The following CSMD1 variants were observed in gnomAD, a reference collection of about 807,000 sequenced individuals.
The protein encoded by CSMD1 is CUB and Sushi multiple domains 1.
CSMD1 carries 213 observed loss-of-function variants against 417.5 expected under a neutral mutation model. That is an observed-to-expected ratio of 0.51 (90% confidence interval 0.46 to 0.57). The LOEUF (loss-of-function observed/expected upper bound fraction) is 0.57. CSMD1 is among the 20% of genes least tolerant of loss of function. The pLI, the probability that CSMD1 is intolerant of heterozygous loss-of-function variation, is 0.00. For synonymous variants in CSMD1, 2,862 were observed against 1,736.8 expected (o/e 1.65, Z -16.11); for missense variants, 6,923 against 4,529.7 (o/e 1.53, Z -15.17).
At chr8:4,778,118 TAC>T (rs1431364722) in intron 1 of CSMD1, among the ~76,000 whole-genome samples, 3 of 152,146 alleles carry the variant, frequency 2.0e-5, no homozygotes, top group Non-Finnish European at 4.4e-5. Context: ...ACATATAAAA[TAC>T]AGTTTATGTA....
chr8:3,813,091 G>GTTT (rs10714284), intron 5 of CSMD1, among the ~76,000 whole-genome samples: 196 of 135,496 alleles, frequency 1.4e-3, no homozygotes, highest in South Asian at 6.8e-3. Flanking sequence ...TTTTAAGCTA[G>GTTT]TTTTTTTTTT....
rs534106638 is a variant in CSMD1, at chr8:4,031,157, A to T, written c.610+748T>A. Among the ~76,000 whole-genome samples the T allele has an allele frequency of 2.6e-5, 4 of 152,328 alleles. No individual in the cohort carries two copies. In the South Asian group the frequency reaches 6.2e-4, roughly 24 times the overall value. The stretch of plus-strand genomic sequence containing the variant: ...TAAACTCTGCCTGTTATCCAGTTCC[A>T]AAGTCGCTTCCACATCTTTTGGTAT... On this transcript the variant is annotated intron_variant, in intron 4 of 69. Transcript: ENST00000635120.
rs551787521 is a variant in CSMD1 at position 3,965,493 on chromosome 8, T to G, written c.818+32410A>C. ...AGTAGACGATATCACAAAACCAAAG[T>G]AAAGTTGAAAAACTATGGTTCGGCT... On this transcript the variant is annotated intron_variant, in intron 5 of 69. Transcript: ENST00000635120. 4.3e-4 allele frequency among the ~76,000 whole-genome samples: 65 copies of G among 152,266 alleles called. 1 individual carries two copies. The highest frequency in any genetic ancestry group is 1.5e-3 in the African/African-American group (62 of 41,534).
At chr8:3,869,897 G>T (rs534493137) in intron 5 of CSMD1, among the ~76,000 whole-genome samples, 1 of 151,778 alleles carries the variant, frequency 6.6e-6, no homozygotes, top group African/African-American at 2.4e-5. Context: ...GTGCTTGAAG[G>T]GCTTAAAGGA....
chr8:4,459,869 A>C (rs1799703089), intron 2 of CSMD1, among the ~76,000 whole-genome samples: 1 of 152,190 alleles, frequency 6.6e-6, no homozygotes, highest in African/African-American at 2.4e-5. Flanking sequence ...CAGAGCCTCA[A>C]AATATATAAA....
chr8:3,970,752 G>GT (rs1332272408), intron 5 of CSMD1, among the ~76,000 whole-genome samples: 6 of 151,846 alleles, frequency 4.0e-5, no homozygotes, highest in South Asian at 2.1e-4. Context: ...CTTGTTTTTT[G>GT]TTTTTTTGTT....
chr8:4,767,092 C>T (rs1446423280), intron 1 of CSMD1, among the ~76,000 whole-genome samples: 12 of 152,144 alleles, frequency 7.9e-5, no homozygotes, highest in African/African-American at 2.4e-4. Context: ...ATCCTCCCAA[C>T]TTTTTATATC....
intron 3 of CSMD1, among the ~76,000 whole-genome samples, chr8:4,239,718 T>G (rs1802279934): frequency 2.0e-5 from 3 of 152,188 alleles, no homozygotes; most frequent in African/African-American, 7.2e-5. Flanking sequence ...GAAAACTGGT[T>G]GCTTTATTGT....
At chr8:4,843,178 T>C (rs1800938990) in intron 1 of CSMD1, among the ~76,000 whole-genome samples, 1 of 152,132 alleles carries the variant, frequency 6.6e-6, no homozygotes, top group Non-Finnish European at 1.5e-5. Flanking sequence ...GGCAGGAACA[T>C]TCCAAACCAC....
In CSMD1 at chr8:2,961,229, T is replaced by A; in HGVS notation, c.9629-15A>T. ...ATGAGCAGGATCTGAAATTTGTGAT[T>A]TAAAAAGAAAAGAGGGCACCAGATA... is the stretch of plus-strand genomic sequence containing the variant. On this transcript the variant is annotated splice_polypyrimidine_tract_variant and intron_variant, in intron 61 of 69. Transcript: ENST00000635120. 6.4e-7 allele frequency: 1 copy of A among 1,565,418 alleles called. No homozygotes were observed. The highest frequency in any genetic ancestry group is 1.2e-5 in the South Asian group (1 of 86,118).
chr8:4,303,390 CATTGTCTCATTTATAT>C (rs1373084249), intron 3 of CSMD1, among the ~76,000 whole-genome samples: 1 of 137,384 alleles, frequency 7.3e-6, no homozygotes, highest in Non-Finnish European at 1.6e-5. Context: ...ATTTTTTATT[CATTGTCTCATTTATAT>C]ATTGGGCAGG....
chr8:4,440,466 A>C (rs1490743409), intron 2 of CSMD1, among the ~76,000 whole-genome samples: 1 of 151,560 alleles, frequency 6.6e-6, no homozygotes, highest in Non-Finnish European at 1.5e-5. Flanking sequence ...TGTTACTCAC[A>C]AAAAAAAATC....
intron 1 of CSMD1, among the ~76,000 whole-genome samples, chr8:4,776,916 G>A (rs758865266): frequency 1.2e-4 from 19 of 152,064 alleles, no homozygotes; most frequent in Admixed American, 5.2e-4. Context: ...CTTCCACAAC[G>A]TTACTAAGAT....
intron 40 of CSMD1, among the ~76,000 whole-genome samples, chr8:3,145,441 G>C (rs1168952169): frequency 6.6e-6 from 1 of 152,160 alleles, no homozygotes; most frequent in Non-Finnish European, 1.5e-5. Flanking sequence ...AGGGTGCAAA[G>C]AAATGGAGGA....
chr8:4,792,159 C>G (rs1797727178), intron 1 of CSMD1, among the ~76,000 whole-genome samples: 1 of 152,078 alleles, frequency 6.6e-6, no homozygotes, highest in African/African-American at 2.4e-5. Context: ...TTCCTCCTTC[C>G]TATCTTTCTT....
chr8:4,738,614 G>A (rs1315080602), intron 1 of CSMD1, among the ~76,000 whole-genome samples: 3 of 152,032 alleles, frequency 2.0e-5, no homozygotes, highest in East Asian at 3.8e-4. Context: ...TCTAGCATCT[G>A]TATTTTAAAT....
At chr8:3,907,311 G>T (rs908798462) in intron 5 of CSMD1, among the ~76,000 whole-genome samples, 28 of 152,002 alleles carry the variant, frequency 1.8e-4, no homozygotes, top group African/African-American at 6.5e-4. Context: ...TAACGTGGAT[G>T]GTACATATTT....
chr8:3,610,632 A>G (rs898159722), intron 8 of CSMD1, among the ~76,000 whole-genome samples: 2 of 152,170 alleles, frequency 1.3e-5, no homozygotes. Context: ...TATAGATGAC[A>G]TTCACTTCAA....
intron 4 of CSMD1, among the ~76,000 whole-genome samples, chr8:4,015,057 G>T (rs1309877374): frequency 2.0e-5 from 3 of 152,058 alleles, no homozygotes; most frequent in Non-Finnish European, 4.4e-5. Context: ...TTTTAATTTT[G>T]ATACGATTTA....
Sources: gnomAD v4.1 joint callset for allele counts (sites outside exome capture counted in the v4.1 genomes callset) on GRCh38, gnomAD v4.1.1 for gene constraint, MANE v1.5 for transcripts, NCBI Gene and HGNC (gene_info 2026-07-23, HGNC 2026-07-21) for gene names.